Variants in TBC1D15 observed in about 807,000 individuals in gnomAD.
TBC1D15 encodes GAP for RAB7.
TBC1D15 carries 39 observed loss-of-function variants against 95.4 expected under a neutral mutation model. That is an observed-to-expected ratio of 0.41 (90% CI 0.32 to 0.53). The LOEUF is 0.53. Among genes scored for constraint, TBC1D15 ranks in the 20% least tolerant of loss-of-function variants. TBC1D15 has a pLI of 0.29. For missense variants in TBC1D15, 733 were observed against 794.3 expected (o/e 0.92, Z 0.93); for synonymous variants, 258 against 261.3 (o/e 0.99, Z 0.12).
At position 71,895,966 on chromosome 12, in the gene TBC1D15, C is replaced by T. The variant is rs1205420080; in HGVS notation, c.875C>T (p.Pro292Leu). 5 of 1,611,910 alleles carry T rather than the reference C, an allele frequency of 3.1e-6. No homozygotes were observed. Among genetic ancestry groups the T allele is most frequent in the Non-Finnish European group, 3.4e-6 (4 of 1,178,646 alleles). Residue 292 changes from proline (P) to leucine (L), a missense_variant, in exon 8 of 17, where the codon CCT becomes CTT. Transcript: ENST00000485960. ...VITRIDLGER[P>L]VVQRREPVSL... The stretch of plus-strand genomic sequence containing the variant: ...TTTTAGATTGATTTGGGGGAACGCC[C>T]TGTTGTTCAAAGGAGAGAACCGGTA...
intron 1 of TBC1D15, among the ~76,000 whole-genome samples, chr12:71,864,759 C>G (rs752528783): frequency 2.6e-5 from 4 of 152,186 alleles, no homozygotes; most frequent in Admixed American, 1.3e-4. Context: ...CCTGCCTTGG[C>G]CTCCCAAACT....
chr12:71,893,396 C>G, intron 6 of TBC1D15, 72 bp downstream of exon 6: 2 of 1,020,384 alleles, frequency 2.0e-6, no homozygotes, highest in Admixed American at 2.5e-5. Flanking sequence ...CTCATCTTCT[C>G]AGAGAGTATG....
chr12:71,881,356 A>C (rs1895087114), intron 4 of TBC1D15, among the ~76,000 whole-genome samples: 1 of 152,218 alleles, frequency 6.6e-6, no homozygotes, highest in South Asian at 2.1e-4. Context: ...GAATGAGAAA[A>C]GCATAATCTG....
At chr12:71,881,654 A>C (rs2138483226) in intron 4 of TBC1D15, among the ~76,000 whole-genome samples, 1 of 152,232 alleles carries the variant, frequency 6.6e-6, no homozygotes, top group East Asian at 1.9e-4. Context: ...GCGGTGGCTC[A>C]CTCCTGTAAT....
intron 6 of TBC1D15, chr12:71,894,464 C>A: frequency 7.2e-7 from 1 of 1,383,588 alleles, no homozygotes; most frequent in Non-Finnish European, 1.0e-6. Context: ...GTAGCATTAA[C>A]TTGTCATTTA....
chr12:71,899,573 G>A (rs7953250), intron 10 of TBC1D15, among the ~76,000 whole-genome samples: 60,023 of 152,090 alleles, frequency 0.39, 14,033 homozygotes, highest in African/African-American at 0.63. Context: ...TTTATTAAAA[G>A]CAAAACTACG....
intron 1 of TBC1D15, among the ~76,000 whole-genome samples, chr12:71,858,804 G>A (rs1439524205): frequency 5.9e-5 from 9 of 151,814 alleles, no homozygotes; most frequent in African/African-American, 4.8e-5. Context: ...CCATCTGTCC[G>A]CCTTGGTCTC....
At position 71,918,471 on chromosome 12, in the gene TBC1D15, C is replaced by G. The variant is rs779205397; in HGVS notation, c.1522C>G (p.Leu508Val). ...CATAGAATCTCAGGACTCTGGATAC[C>G]TTTATTTTTGCTTCAGGTGGCTTTT... The part of the protein sequence containing the change: ...SYLESQDSGY[L>V]YFCFRWLLIR... Residue 508 changes from leucine (L) to valine (V), a missense_variant, in exon 14 of 17, where the codon CTT (leucine) becomes GTT (valine). Leu to Val is a conservative substitution (Grantham distance 32, BLOSUM62 1). Coordinates refer to ENST00000485960, the MANE Select transcript of TBC1D15 (RefSeq NM_001146213.3). The G allele has an allele frequency of 6.2e-7, 1 of 1,606,138 alleles. No individual in the cohort carries two copies. The highest frequency in any genetic ancestry group is 8.5e-7 in the Non-Finnish European group (1 of 1,176,772).
intron 1 of TBC1D15, among the ~76,000 whole-genome samples, chr12:71,862,118 T>C (rs1221344900): frequency 6.6e-6 from 1 of 152,158 alleles, no homozygotes. Context: ...CCTAGGGTAT[T>C]GGCCATGTGT....
chr12:71,874,237 G>A (rs2138343812), intron 3 of TBC1D15, among the ~76,000 whole-genome samples: 1 of 152,336 alleles, frequency 6.6e-6, no homozygotes, highest in South Asian at 2.1e-4. Flanking sequence ...GGTAATGGGA[G>A]TTAGGATGTT....
At chr12:71,883,500 G>A (rs545292889) in intron 4 of TBC1D15, among the ~76,000 whole-genome samples, 1 of 152,216 alleles carries the variant, frequency 6.6e-6, no homozygotes, top group East Asian at 1.9e-4. Flanking sequence ...GATGGCGCAT[G>A]GTTTCCTTGC....
rs541700355 is a variant in TBC1D15, at chr12:71,846,287, CAAATATTTAA to C, written c.30+6477_30+6486del. Among the ~76,000 whole-genome samples, 1,056 of 152,234 alleles carry C rather than the reference CAAATATTTAA, an allele frequency of 6.9e-3. 14 individuals are homozygous for C. Among genetic ancestry groups the C allele is most frequent in the African/African-American group, 0.024 (986 of 41,540 alleles). On this transcript the variant is annotated intron_variant, in intron 1 of 16. Transcript: ENST00000485960. ...GTACTTATCTGCTTGGGCATCTTAG[CAAATATTTAA>C]GAATAAATAAGAGCCTGGAGGGCAT...
At chr12:71,859,198 C>T (rs762539234) in intron 1 of TBC1D15, among the ~76,000 whole-genome samples, 1 of 152,036 alleles carries the variant, frequency 6.6e-6, no homozygotes, top group African/African-American at 2.4e-5. Flanking sequence ...GATTGCAATC[C>T]AGTAGCATAG....
chr12:71,862,809 C>G (rs1890665267), intron 1 of TBC1D15, among the ~76,000 whole-genome samples: 1 of 152,136 alleles, frequency 6.6e-6, no homozygotes, highest in African/African-American at 2.4e-5. Context: ...TGTATCTGCT[C>G]TAGCAATGAG....
intron 1 of TBC1D15, among the ~76,000 whole-genome samples, chr12:71,842,272 C>G (rs1885208935): frequency 6.6e-6 from 1 of 152,108 alleles, no homozygotes; most frequent in African/African-American, 2.4e-5. Flanking sequence ...GTCTCTGAAA[C>G]CAAACTAGTT....
intron 1 of TBC1D15, chr12:71,850,214 A>C (rs1276868642): frequency 1.8e-6 from 1 of 569,868 alleles, no homozygotes; most frequent in Non-Finnish European, 3.4e-6. Context: ...TGAAGACCTA[A>C]CTCTTGGTAT....
intron 11 of TBC1D15, among the ~76,000 whole-genome samples, chr12:71,911,686 A>G: frequency 6.6e-6 from 1 of 151,276 alleles, no homozygotes; most frequent in East Asian, 2.0e-4. Context: ...TGATGAATTA[A>G]TGGGTGCAGC....
chr12:71,872,812 C>T (rs1435703991), intron 2 of TBC1D15, 117 bp from the exon 3 acceptor site: 2 of 651,372 alleles, frequency 3.1e-6, no homozygotes, highest in East Asian at 5.5e-5. Flanking sequence ...ATGATGTTAG[C>T]ATATTTAAAA....
At chr12:71,886,848 G>A (rs527860774) in intron 5 of TBC1D15, among the ~76,000 whole-genome samples, 2 of 152,304 alleles carry the variant, frequency 1.3e-5, no homozygotes, top group South Asian at 4.1e-4. Flanking sequence ...GCATTAAAGA[G>A]TTGGGAGTTT....
Sources: allele counts gnomAD v4.1 joint callset (sites outside exome capture counted in the v4.1 genomes callset), GRCh38; gene constraint gnomAD v4.1.1; transcripts MANE v1.5; gene names NCBI Gene and HGNC (gene_info 2026-07-23, HGNC 2026-07-21).